VPS13B: variants seen among roughly 807,000 people sequenced by gnomAD.
VPS13B encodes the protein intermembrane lipid transfer protein VPS13B.
VPS13B carries 285 observed loss-of-function variants against 426.4 expected under a neutral mutation model. The ratio of observed to expected loss-of-function variants is 0.67; its 90% CI spans 0.61 to 0.74. The LOEUF (loss-of-function observed/expected upper bound fraction) is 0.74. Ranked by LOEUF, VPS13B falls within the 30% of genes least tolerant of loss-of-function variation. The pLI is 0.00. For synonymous variants in VPS13B, 1,676 were observed against 1,676.4 expected, an observed-to-expected ratio of 1.00 and a Z score of 0.01; for missense variants, 4,537 against 4,782.6, an observed-to-expected ratio of 0.95 and a Z score of 1.51.
intron 39 of VPS13B, among the ~76,000 whole-genome samples, chr8:99,764,885 G>T (rs1267963578): frequency 6.6e-6 from 1 of 152,046 alleles, no homozygotes; most frequent in Admixed American, 6.5e-5. Flanking sequence ...ATATATATGT[G>T]TGCACACACA....
chr8:99,745,703 G>A (rs1039330585), intron 39 of VPS13B, among the ~76,000 whole-genome samples: 3 of 152,040 alleles, frequency 2.0e-5, no homozygotes, highest in Non-Finnish European at 4.4e-5. Flanking sequence ...AGAGATTAGT[G>A]TAATTAGTGT....
At chr8:99,540,015 A>T (rs1176043649) in intron 30 of VPS13B, among the ~76,000 whole-genome samples, 465 of 1,824 alleles carry the variant, frequency 0.25, 9 homozygotes, top group African/African-American at 0.37. Flanking sequence ...TAAATAAATT[A>T]TATATATATA....
At chr8:99,305,455 A>G (rs1411380972) in intron 19 of VPS13B, among the ~76,000 whole-genome samples, 1 of 152,122 alleles carries the variant, frequency 6.6e-6, no homozygotes, top group African/African-American at 2.4e-5. Flanking sequence ...ACCATTTTTT[A>G]TAAGGGATTT....
chr8:99,861,902 A>T lies in VPS13B; in HGVS notation c.11171A>T (p.Glu3724Val), dbSNP rs1400245472. 1.3e-6 allele frequency: 2 copies of T among 1,596,730 alleles called. No individual in the cohort carries two copies. The highest frequency in any genetic ancestry group is 1.7e-6 in the Non-Finnish European group (2 of 1,172,562). The change falls in exon 58 of 62, where the codon GAG (glutamate) becomes GTG (valine). Residue 3724 changes from glutamate (E) to valine (V), a missense_variant. Physicochemically the swap from Glu to Val is moderately radical, Grantham distance 121. Coordinates refer to ENST00000357162, the MANE Select transcript of VPS13B (RefSeq NM_152564.5). The part of the protein sequence containing the change: ...WRRQLPESLG[E>V]GLRQGLSRLG... ...CGGCAGCTCCCCGAGAGCCTGGGCGAGGGGCTTCGACAGGGCCTGTCCCGG... is the reference window on the plus strand; with the variant it reads ...CGGCAGCTCCCCGAGAGCCTGGGCGTGGGGCTTCGACAGGGCCTGTCCCGG...
intron 27 of VPS13B, among the ~76,000 whole-genome samples, chr8:99,506,562 T>C (rs1262694574): frequency 2.0e-5 from 3 of 152,188 alleles, no homozygotes; most frequent in Admixed American, 1.3e-4. Context: ...GGGGATGTAG[T>C]GTTTAAGAAA....
chr8:99,837,755 A>G (rs1163077331), intron 54 of VPS13B, among the ~76,000 whole-genome samples: 1 of 152,142 alleles, frequency 6.6e-6, no homozygotes, highest in African/African-American at 2.4e-5. Context: ...GTAATATCCC[A>G]GGGCATATAA....
At chr8:99,612,273 T>C (rs1827875777) in intron 33 of VPS13B, among the ~76,000 whole-genome samples, 1 of 152,170 alleles carries the variant, frequency 6.6e-6, no homozygotes. Context: ...TGCTTAACGT[T>C]ATGAGCATCA....
At chr8:99,312,174 G>A (rs940063983) in intron 19 of VPS13B, among the ~76,000 whole-genome samples, 4 of 152,076 alleles carry the variant, frequency 2.6e-5, no homozygotes, top group Admixed American at 2.6e-4. Context: ...TTACATTTAA[G>A]GTTAATATTG....
chr8:99,531,465 TTTCTC>T (rs1294989449), intron 30 of VPS13B, among the ~76,000 whole-genome samples: 3 of 152,138 alleles, frequency 2.0e-5, no homozygotes, highest in Non-Finnish European at 4.4e-5. Flanking sequence ...TTATGAATCT[TTTCTC>T]TTTTCTCCTA....
chr8:99,427,909 A>G (rs1416058678), intron 21 of VPS13B, among the ~76,000 whole-genome samples: 1 of 152,192 alleles, frequency 6.6e-6, no homozygotes, highest in Non-Finnish European at 1.5e-5. Context: ...ACAGTAACCA[A>G]AACAGCATGG....
chr8:99,431,401 A>G, intron 21 of VPS13B, 136 bp from the exon 22 acceptor site: 3 of 1,173,404 alleles, frequency 2.6e-6, no homozygotes, highest in Non-Finnish European at 3.6e-6. Context: ...AAAATGATGT[A>G]AAATGACAAT....
At chr8:99,695,574 G>A (rs1400440370) in intron 35 of VPS13B, among the ~76,000 whole-genome samples, 1 of 140,316 alleles carries the variant, frequency 7.1e-6, no homozygotes, top group Admixed American at 7.0e-5. Flanking sequence ...GGGAGGGATA[G>A]CACTGGGAGA....
chr8:99,106,188 T>C (rs1362090639), intron 5 of VPS13B, among the ~76,000 whole-genome samples: 2 of 151,820 alleles, frequency 1.3e-5, no homozygotes, highest in Non-Finnish European at 2.9e-5. Context: ...TCCCAGCATT[T>C]TGGGAGGCTG....
At chr8:99,574,956 G>T (rs1352945943) in intron 31 of VPS13B, among the ~76,000 whole-genome samples, 3 of 152,140 alleles carry the variant, frequency 2.0e-5, no homozygotes, top group African/African-American at 7.2e-5. Context: ...TTGAGCCTAG[G>T]AGTTCAAGAC....
At chr8:99,428,812 T>C (rs1021954899) in intron 21 of VPS13B, among the ~76,000 whole-genome samples, 2 of 152,152 alleles carry the variant, frequency 1.3e-5, no homozygotes, top group Non-Finnish European at 2.9e-5. Context: ...ATCATGCTGC[T>C]ATAAAGACAC....
At chr8:99,785,157 C>T (rs1440504834) in intron 43 of VPS13B, among the ~76,000 whole-genome samples, 2 of 151,874 alleles carry the variant, frequency 1.3e-5, no homozygotes, top group African/African-American at 2.4e-5. Context: ...TGTCCTGTAG[C>T]GATAATATGA....
intron 14 of VPS13B, among the ~76,000 whole-genome samples, chr8:99,149,702 T>A (rs568709383): frequency 6.6e-6 from 1 of 151,858 alleles, no homozygotes; most frequent in East Asian, 1.9e-4. Flanking sequence ...TGCGGACCAG[T>A]ACTGGTCAGT....
intron 17 of VPS13B, among the ~76,000 whole-genome samples, chr8:99,268,973 C>A (rs1818442416): frequency 6.6e-6 from 1 of 152,092 alleles, no homozygotes; most frequent in Non-Finnish European, 1.5e-5. Context: ...CTTAGGAGAT[C>A]TGATGGTGTT....
Position 99,170,117 on chromosome 8 carries a change from T to A in VPS13B, c.2287T>A (p.Phe763Ile). ...YCLPVPVIPS[F>I]STALYGKLLK... ...CTTACCTGTACCAGTTATTCCCTCTTTCAGCACTGCTCTTTATGGGAAACT... is the reference window on the plus strand; with the variant it reads ...CTTACCTGTACCAGTTATTCCCTCTATCAGCACTGCTCTTTATGGGAAACT... The change falls in exon 16 of 62, where the codon TTC (phenylalanine) becomes ATC (isoleucine). Residue 763 changes from phenylalanine to isoleucine, a missense_variant. Physicochemically the swap from Phe to Ile is conservative, Grantham distance 21 (BLOSUM62 0). Transcript: ENST00000357162. 1 of 1,613,070 alleles carries A rather than the reference T, an allele frequency of 6.2e-7. No homozygotes were observed. The highest frequency in any genetic ancestry group is 1.3e-5 in the African/African-American group (1 of 75,030).
Sources: gnomAD v4.1 joint callset for allele counts (sites outside exome capture counted in the v4.1 genomes callset) on GRCh38, gnomAD v4.1.1 for gene constraint, MANE v1.5 for transcripts, NCBI Gene and HGNC (gene_info 2026-07-23, HGNC 2026-07-21) for gene names.